The following EQTN variants were observed in gnomAD, a reference collection of about 807,000 sequenced individuals.
EQTN encodes the protein Acrosome formation associated factor.
Under a neutral mutation model 26.9 loss-of-function variants are expected in EQTN, and 29 were observed. That is an observed-to-expected ratio of 1.08 (90% CI 0.80 to 1.47). The LOEUF (loss-of-function observed/expected upper bound fraction) is 1.47, where lower values mean the gene tolerates loss of function less well. Ranked by LOEUF, EQTN falls within the 40% of genes most tolerant of loss-of-function variation. The pLI is 0.00. For missense variants in EQTN, 391 were observed against 346.1 expected, an observed-to-expected ratio of 1.13 and a Z score of -1.03; for synonymous variants, 129 against 120.0, an observed-to-expected ratio of 1.07 and a Z score of -0.49.
chr9:27,292,583 A>G (rs979815701), intron 3 of EQTN, 96 bp from the exon 4 acceptor site: 8 of 645,786 alleles, frequency 1.2e-5, no homozygotes, highest in African/African-American at 5.7e-5. Flanking sequence ...GATATTATGG[A>G]ACAAAGAAAA....
chr9:27,297,057 G>A lies in EQTN; in HGVS notation c.-2C>T. On this transcript the variant is annotated 5_prime_UTR_variant, in exon 1 of 8. Transcript: ENST00000380032. ...AAAAATAAACAATATAAAATTCATTGGGAAATTGAAGTGATTTATCCAGTA... is the reference window on the plus strand; with the variant it reads ...AAAAATAAACAATATAAAATTCATTAGGAAATTGAAGTGATTTATCCAGTA... 6.3e-7 allele frequency: 1 copy of A among 1,599,270 alleles called. No individual in the cohort carries two copies. Among genetic ancestry groups the A allele is most frequent in the East Asian group, 2.2e-5 (1 of 44,728 alleles).
At chr9:27,285,532 C>T (rs953204498) in intron 7 of EQTN, among the ~76,000 whole-genome samples, 13 of 152,116 alleles carry the variant, frequency 8.5e-5, no homozygotes, top group Admixed American at 2.6e-4. Context: ...TTTACTAAAA[C>T]AGTAGAAGTT....
intron 3 of EQTN, among the ~76,000 whole-genome samples, chr9:27,293,562 G>A (rs369470282): frequency 6.6e-6 from 1 of 152,246 alleles, no homozygotes; most frequent in African/African-American, 2.4e-5. Flanking sequence ...CTGGGGGCCT[G>A]AATTGTGGAA....
Position 27,294,409 on chromosome 9 carries a change from A to C in EQTN, c.203-7T>G, listed in dbSNP as rs1186592278. 1 of 1,562,664 alleles carries C rather than the reference A, an allele frequency of 6.4e-7. No individual in the cohort carries two copies. The highest frequency in any genetic ancestry group is 1.7e-5 in the Admixed American group (1 of 58,478). ...TTTTGTGTTGTGAACACATCTAAAAACAAAAGCGAAAGTCTTCAGCAACTA... is the reference window on the plus strand; with the variant it reads ...TTTTGTGTTGTGAACACATCTAAAACCAAAAGCGAAAGTCTTCAGCAACTA... On this transcript the variant is annotated splice_region_variant and splice_polypyrimidine_tract_variant and intron_variant, in intron 2 of 7. Coordinates refer to ENST00000380032, the MANE Select transcript of EQTN (RefSeq NM_020641.3).
intron 6 of EQTN, among the ~76,000 whole-genome samples, chr9:27,287,341 A>C (rs933621510): frequency 6.6e-6 from 1 of 152,200 alleles, no homozygotes; most frequent in South Asian, 2.1e-4. Flanking sequence ...GAGGCCTGTT[A>C]TTTTGGGAAT....
rs1042908109 is a variant in EQTN, at chr9:27,286,110, T to A, written c.635+99A>T. 8.3e-6 allele frequency: 10 copies of A among 1,202,428 alleles called. No individual in the cohort carries two copies. In the East Asian group the frequency reaches 2.2e-4, roughly 26 times the overall value. 74.5% of individuals were successfully genotyped at this position (1,202,428 alleles called of 1,614,324 possible). ...TCAATTTGAATGTCGTATGGATGAA[T>A]TCAGAGGTCACATATTCCTAAGAAT... On this transcript the variant is annotated intron_variant, in intron 7 of 7. Transcript: ENST00000380032.
chr9:27,295,831 C>CAAAAAAAA (rs67401588), intron 2 of EQTN, among the ~76,000 whole-genome samples: 3 of 69,288 alleles, frequency 4.3e-5, no homozygotes, highest in African/African-American at 2.5e-4. Flanking sequence ...GACTCCGTCT[C>CAAAAAAAA]AAAAAAAAAA....
chr9:27,286,950 A>T (rs1820137374), intron 6 of EQTN, among the ~76,000 whole-genome samples: 2 of 152,194 alleles, frequency 1.3e-5, no homozygotes, highest in Non-Finnish European at 2.9e-5. Context: ...AAATAGAATC[A>T]ATTTATTTAA....
In EQTN at chr9:27,294,417, GA is replaced by G; in HGVS notation, c.203-16del. ...TGTGAACACATCTAAAAACAAAAGC[GA>G]AAGTCTTCAGCAACTAGCTAAGTCA... On this transcript the variant is annotated splice_polypyrimidine_tract_variant and intron_variant, in intron 2 of 7. Coordinates refer to ENST00000380032, the MANE Select transcript of EQTN (RefSeq NM_020641.3). 1.3e-6 allele frequency: 2 copies of G among 1,538,838 alleles called. No homozygotes were observed. Among genetic ancestry groups the G allele is most frequent in the Non-Finnish European group, 1.8e-6 (2 of 1,128,240 alleles).
intron 7 of EQTN, among the ~76,000 whole-genome samples, chr9:27,285,247 G>A (rs1461780797): frequency 1.4e-5 from 2 of 140,632 alleles, no homozygotes; most frequent in Non-Finnish European, 3.0e-5. Flanking sequence ...AGGGGCACGC[G>A]ATTCTCCTGC....
chr9:27,296,253 A>T (rs1406370210), intron 2 of EQTN, among the ~76,000 whole-genome samples: 1 of 152,212 alleles, frequency 6.6e-6, no homozygotes, highest in Admixed American at 6.5e-5. Flanking sequence ...GGCTGCAGTG[A>T]GCCATGGTCG....
intron 7 of EQTN, 105 bp from the exon 8 acceptor site, chr9:27,285,077 A>C (rs781286024): frequency 1.2e-6 from 1 of 863,158 alleles, no homozygotes; most frequent in Non-Finnish European, 1.7e-6. Flanking sequence ...TTTTGCCCAA[A>C]GTGTTAGTTA....
intron 4 of EQTN, among the ~76,000 whole-genome samples, chr9:27,291,310 G>A (rs1034894567): frequency 2.0e-5 from 3 of 152,170 alleles, no homozygotes; most frequent in African/African-American, 7.2e-5. Context: ...GATTAATGAA[G>A]GCGTTAATGG....
At chr9:27,288,668 C>G (rs1405046685) in intron 6 of EQTN, among the ~76,000 whole-genome samples, 1 of 152,026 alleles carries the variant, frequency 6.6e-6, no homozygotes, top group African/African-American at 2.4e-5. Flanking sequence ...AATGGAATAT[C>G]AGTAATAAAA....
Position 27,284,939 on chromosome 9 carries a change from G to T in EQTN, c.669C>A (p.Asn223Lys), listed in dbSNP as rs1367700138. The T allele has an allele frequency of 1.2e-6, 2 of 1,614,020 alleles. No individual in the cohort carries two copies. The highest frequency in any genetic ancestry group is 2.2e-5 in the South Asian group (2 of 91,068). Residue 223 changes from asparagine to lysine, a missense_variant, in exon 8 of 8, where the codon AAC becomes AAA. Asn to Lys is a moderately conservative substitution (Grantham distance 94). Transcript: ENST00000380032. Reference protein sequence around the residue: ...YKSCESQYSVNPELATMSYFH... With the variant: ...YKSCESQYSVKPELATMSYFH... ...AGTAAGACATCGTGGCCAGCTCTGG[G>T]TTGACAGAGTACTGACTCTCACAAC...
rs745405940 is a variant in EQTN, at chr9:27,284,813, T to C, written c.795A>G (p.Thr265=). The C allele has an allele frequency of 1.9e-6, 3 of 1,614,206 alleles. No homozygotes were observed. In the Admixed American group the frequency reaches 5.0e-5, roughly 27 times the overall value. Reference sequence around the variant, plus strand: ...TCATTATCTTAGATTCTGATGTTCTTGTGCCTGATCTTCTCATATCTGAAG... The same window carrying C: ...TCATTATCTTAGATTCTGATGTTCTCGTGCCTGATCTTCTCATATCTGAAG... ...TTSSDMRRSG[T]RTSESKIMTD... The change falls in exon 8 of 8, where the codon ACA becomes ACG. Residue 265 remains threonine, a synonymous_variant. Transcript: ENST00000380032.
Position 27,291,025 on chromosome 9 carries a change from C to T in EQTN, c.415G>A (p.Ala139Thr), listed in dbSNP as rs747889621. ...PNVPAFWTML[A>T]KAINGTAVVM... is the part of the protein sequence containing the mutation. ...CCTAGCTGTATGACTTTACCTTTAG[C>T]TAACATTGTCCAAAATGCAGGCACG... Residue 139 changes from alanine (A) to threonine (T), a missense_variant, in exon 5 of 8, where the codon GCT becomes ACT. Coordinates refer to ENST00000380032, the MANE Select transcript of EQTN (RefSeq NM_020641.3). 16 of 1,612,026 alleles carry T rather than the reference C, an allele frequency of 9.9e-6. 2 individuals are homozygous for T. The South Asian group carries it at 1.8e-4, about 18-fold the overall frequency.
At position 27,297,131 on chromosome 9, in the gene EQTN, G is replaced by A. The variant is rs910193479; in HGVS notation, c.-76C>T. 5.0e-6 allele frequency: 5 copies of A among 997,204 alleles called. No individual in the cohort carries two copies. In the African/African-American group the frequency reaches 8.2e-5, roughly 16 times the overall value. The allele number at this position is 997,204 out of a possible 1,614,324, so 61.8% of individuals were successfully genotyped here. Reference sequence around the variant, plus strand: ...TCCTTTCTGTGGCCCAGCAGGTCCTGTGTCTAACTAGGACATTATGACATC... The same window carrying A: ...TCCTTTCTGTGGCCCAGCAGGTCCTATGTCTAACTAGGACATTATGACATC... On this transcript the variant is annotated 5_prime_UTR_variant, in exon 1 of 8. Transcript: ENST00000380032.
intron 5 of EQTN, 40 bp from the exon 6 acceptor site, chr9:27,289,771 T>G (rs776988695): frequency 5.9e-6 from 9 of 1,532,360 alleles, no homozygotes; most frequent in East Asian, 2.3e-5. Context: ...CAACGTTCAC[T>G]TACTAAAATT....
Sources: gnomAD v4.1 joint callset for allele counts (sites outside exome capture counted in the v4.1 genomes callset) on GRCh38, gnomAD v4.1.1 for gene constraint, MANE v1.5 for transcripts, NCBI Gene and HGNC (gene_info 2026-07-23, HGNC 2026-07-21) for gene names.